FLT3: variants seen among roughly 807,000 people sequenced by gnomAD.
FLT3 encodes fms related receptor tyrosine kinase 3, also known as receptor-type tyrosine-protein kinase FLT3.
In FLT3, 46 loss-of-function variants were observed where a neutral mutation model predicts 126.6. The observed-to-expected ratio is 0.36, with a 90% CI of 0.29 to 0.46. The LOEUF is 0.46. FLT3 is among the 20% of genes least tolerant of loss of function. FLT3 has a pLI of 1.00. For synonymous variants in FLT3, 404 were observed against 434.4 expected (o/e 0.93, Z 0.87); for missense variants, 1,069 against 1,190.3 (o/e 0.90, Z 1.50).
At chr13:28,004,269 G>C in intron 23 of FLT3, 95 bp from the exon 24 acceptor site, 1 of 1,264,112 alleles carries the variant, frequency 7.9e-7, no homozygotes, top group Non-Finnish European at 1.1e-6. Context: ...AAAAACAGTT[G>C]TTCTATATAG....
intron 9 of FLT3, among the ~76,000 whole-genome samples, chr13:28,042,502 T>C (rs1874481025): frequency 3.7e-5 from 1 of 27,316 alleles, no homozygotes; most frequent in African/African-American, 8.3e-5. Context: ...TTAAGGCAAT[T>C]TCAGAAAAAG....
chr13:28,012,431 C>G (rs902644249), intron 23 of FLT3, among the ~76,000 whole-genome samples: 3 of 152,042 alleles, frequency 2.0e-5, no homozygotes, highest in African/African-American at 7.2e-5. Flanking sequence ...TTTTCCCTCT[C>G]TACTCCCCCA....
Position 28,027,104 on chromosome 13 carries a change from A to T in FLT3, c.2191T>A (p.Ser731Thr), listed in dbSNP as rs2137651398. Residue 731 changes from serine (S) to threonine (T), a missense_variant, in exon 17 of 24, where the codon TCA becomes ACA. Transcript: ENST00000241453. ...HNFSFYPTFQ[S>T]HPNSSMPGSR... ...GCCTCTTACCTGGAATTTGGATGTG[A>T]TTGGAAAGTGGGGTAAAAACTGAAA... The T allele has an allele frequency of 6.2e-7, 1 of 1,613,622 alleles. No individual in the cohort carries two copies. Among genetic ancestry groups the T allele is most frequent in the Non-Finnish European group, 8.5e-7 (1 of 1,179,836 alleles).
At chr13:28,058,207 T>TAAAA (rs57780867) in intron 3 of FLT3, among the ~76,000 whole-genome samples, 1,960 of 127,222 alleles carry the variant, frequency 0.015, 36 homozygotes, top group East Asian at 0.028. Flanking sequence ...TTTTAAAAAT[T>TAAAA]AAAAAAAAAA....
Position 28,057,446 on chromosome 13 carries a change from C to A in FLT3, c.385G>T (p.Val129Phe). ...TGGGTTTCTGTCATTTTCAAAATGA[C>A]CATGGAAACAACTCCTCTGCAAAAC... ...DLQNRGVVSMVILKMTETQAG... is the reference protein window; with the variant it reads ...DLQNRGVVSMFILKMTETQAG... Residue 129 changes from valine (V) to phenylalanine (F), a missense_variant, in exon 4 of 24, where the codon GTC becomes TTC. Transcript: ENST00000241453. 6.5e-7 allele frequency: 1 copy of A among 1,531,004 alleles called. No individual in the cohort carries two copies. Among genetic ancestry groups the A allele is most frequent in the South Asian group, 1.1e-5 (1 of 89,366 alleles). The allele number at this position is 1,531,004 out of a possible 1,614,324, so 94.8% of individuals were successfully genotyped here.
At chr13:28,016,349 C>A (rs1196482934) in intron 20 of FLT3, among the ~76,000 whole-genome samples, 2 of 152,010 alleles carry the variant, frequency 1.3e-5, no homozygotes, top group African/African-American at 2.4e-5. Flanking sequence ...CAGCTTACTG[C>A]AACCTCAGAC....
intron 1 of FLT3, among the ~76,000 whole-genome samples, chr13:28,072,532 G>A (rs1451337365): frequency 2.0e-5 from 3 of 152,086 alleles, no homozygotes; most frequent in Admixed American, 2.0e-4. Flanking sequence ...AAGTAGCTGG[G>A]ATCACGGGTG....
At chr13:28,039,749 T>C (rs1373377548) in intron 9 of FLT3, among the ~76,000 whole-genome samples, 2 of 152,092 alleles carry the variant, frequency 1.3e-5, no homozygotes, top group East Asian at 1.9e-4. Context: ...GGGTTCACCA[T>C]GTTGGCCAGA....
rs73154821 is a variant in FLT3, at chr13:28,046,834, G to A, written c.1205+1441C>T. 7.5e-3 allele frequency among the ~76,000 whole-genome samples: 1,147 copies of A among 152,110 alleles called. 6 individuals carry two copies. Among genetic ancestry groups the A allele is most frequent in the Non-Finnish European group, 0.013 (863 of 67,986 alleles). On this transcript the variant is annotated intron_variant, in intron 9 of 23. Transcript: ENST00000241453. ...TGGTCTCAAACTCCTAGGATCAAGC[G>A]ATCCACCCGCCTTGGCTTCATAAAG...
intron 2 of FLT3, among the ~76,000 whole-genome samples, chr13:28,067,144 T>C (rs1359872061): frequency 6.6e-6 from 1 of 152,156 alleles, no homozygotes; most frequent in Non-Finnish European, 1.5e-5. Context: ...TGCCTCAGCC[T>C]CTTGAGTAGC....
intron 9 of FLT3, among the ~76,000 whole-genome samples, chr13:28,046,054 G>A (rs1245450536): frequency 6.6e-6 from 1 of 151,978 alleles, no homozygotes; most frequent in Non-Finnish European, 1.5e-5. Flanking sequence ...GAGGAGACCC[G>A]GGATGCTGAA....
intron 15 of FLT3, among the ~76,000 whole-genome samples, chr13:28,029,381 C>T (rs1012664270): frequency 1.3e-5 from 2 of 150,296 alleles, no homozygotes; most frequent in Non-Finnish European, 2.9e-5. Context: ...GGTGACAGAG[C>T]GAGACTCTGT....
At chr13:28,071,581 C>T (rs1457097547) in intron 1 of FLT3, among the ~76,000 whole-genome samples, 2 of 152,130 alleles carry the variant, frequency 1.3e-5, no homozygotes, top group Non-Finnish European at 2.9e-5. Context: ...AGTCTCTTCA[C>T]ATATAAGAAT....
chr13:28,050,529 TGAGA>T (rs1731254376), intron 5 of FLT3, among the ~76,000 whole-genome samples: 1 of 150,590 alleles, frequency 6.6e-6, no homozygotes, highest in Admixed American at 6.6e-5. Flanking sequence ...GGGAAAAAAA[TGAGA>T]AAGAAGATAA....
chr13:28,035,419 G>A, intron 12 of FLT3, 76 bp downstream of exon 12: 1 of 1,400,838 alleles, frequency 7.1e-7, no homozygotes, highest in Non-Finnish European at 9.9e-7. Context: ...AATTCCCCAA[G>A]TAAAAGTCAG....
intron 1 of FLT3, among the ~76,000 whole-genome samples, chr13:28,092,888 AC>A (rs1353938499): frequency 7.2e-6 from 1 of 138,830 alleles, no homozygotes; most frequent in Admixed American, 7.4e-5. Flanking sequence ...AGATATAACA[AC>A]CCCCCTGAAA....
rs1872890223 is a variant in FLT3 at position 28,027,256 on chromosome 13, G to A, written c.2054-15C>T. 1 of 1,601,876 alleles carries A rather than the reference G, an allele frequency of 6.2e-7. No homozygotes were observed. The highest frequency in any genetic ancestry group is 8.5e-7 in the Non-Finnish European group (1 of 1,171,526). The stretch of plus-strand genomic sequence containing the variant: ...GTAAATTGGTCCTGAAATAGTTACA[G>A]TTTCAATTATAGGCATACACAAAGC... On this transcript the variant is annotated splice_polypyrimidine_tract_variant and intron_variant, in intron 16 of 23. Transcript: ENST00000241453.
chr13:28,059,354 G>C (rs1180752314), intron 3 of FLT3, among the ~76,000 whole-genome samples: 1 of 152,140 alleles, frequency 6.6e-6, no homozygotes, highest in African/African-American at 2.4e-5. Context: ...AAGAAAGGCT[G>C]CGTTAAGAGG....
intron 23 of FLT3, 144 bp downstream of exon 23, chr13:28,014,306 ACC>A: frequency 1.6e-6 from 1 of 608,308 alleles, no homozygotes; most frequent in Non-Finnish European, 2.9e-6. Flanking sequence ...ATAAAGTCTT[ACC>A]CCACACAACT....
Sources: gnomAD v4.1 joint callset for allele counts (sites outside exome capture counted in the v4.1 genomes callset) on GRCh38, gnomAD v4.1.1 for gene constraint, MANE v1.5 for transcripts, NCBI Gene and HGNC (gene_info 2026-07-23, HGNC 2026-07-21) for gene names.